INSL6: variants seen among roughly 807,000 people sequenced by gnomAD.
The protein encoded by INSL6 is insulin like 6, also known as insulin-like peptide INSL6.
A neutral mutation model predicts 9.4 loss-of-function variants in INSL6; 16 were observed. The observed-to-expected ratio is 1.70, with a 90% confidence interval of 1.15 to 2.59. The LOEUF (loss-of-function observed/expected upper bound fraction) is 2.59, where lower values mean the gene tolerates loss of function less well. Among genes scored for constraint, INSL6 ranks in the 30% most tolerant of loss-of-function variants. The pLI is 0.00. For missense variants in INSL6, 391 were observed against 257.3 expected (o/e 1.52, Z -3.56); for synonymous variants, 154 against 96.9 (o/e 1.59, Z -3.46).
the INSL6 span, among the ~76,000 whole-genome samples, chr9:5,032,679 G>C: frequency 0.011 from 1,617 of 152,318 alleles, 29 homozygotes; most frequent in African/African-American, 0.038. Context: ...ACCTGCAGCA[G>C]AGGGTCCTGA....
the INSL6 span, among the ~76,000 whole-genome samples, chr9:5,063,280 A>G: frequency 6.6e-6 from 1 of 152,202 alleles, no homozygotes; most frequent in Non-Finnish European, 1.5e-5. Context: ...ATTTTCTACA[A>G]GAACTCTGTA....
the INSL6 span, among the ~76,000 whole-genome samples, chr9:5,032,965 T>A: frequency 7.9e-5 from 12 of 152,116 alleles, no homozygotes; most frequent in Non-Finnish European, 1.6e-4. Flanking sequence ...AGGAGGAAGT[T>A]TGAACTCATG....
chr9:5,085,251 C>T, the INSL6 span: 4 of 677,452 alleles, frequency 5.9e-6, no homozygotes, highest in East Asian at 1.3e-4. Context: ...CAGTGGCTAA[C>T]CTGAGATTCA....
At chr9:5,005,691 G>A in the INSL6 span, among the ~76,000 whole-genome samples, 1 of 152,084 alleles carries the variant, frequency 6.6e-6, no homozygotes, top group Non-Finnish European at 1.5e-5. Flanking sequence ...GTGGGTAAGT[G>A]TTTTTTATTT....
chr9:5,070,192 A>C, the INSL6 span: 2 of 501,050 alleles, frequency 4.0e-6, no homozygotes, highest in Non-Finnish European at 6.6e-6. Flanking sequence ...CTTATGAAAA[A>C]TATGCCAACC....
chr9:4,999,988 T>C, the INSL6 span, among the ~76,000 whole-genome samples: 1 of 152,208 alleles, frequency 6.6e-6, no homozygotes. Context: ...CTAAGGAAGC[T>C]AAGGAAGAAA....
chr9:5,127,908 T>C (rs1057515595), intron 3 of INSL6: 1 of 232,468 alleles, frequency 4.3e-6, no homozygotes, highest in East Asian at 6.0e-5. Context: ...AAAAGTATGC[T>C]TGTTAATTTT....
chr9:5,003,689 T>C, the INSL6 span, among the ~76,000 whole-genome samples: 1 of 152,092 alleles, frequency 6.6e-6, no homozygotes, highest in African/African-American at 2.4e-5. Flanking sequence ...TCATCATAAC[T>C]TTTATTTAGT....
chr9:5,034,659 C>T, the INSL6 span, among the ~76,000 whole-genome samples: 1,863 of 151,618 alleles, frequency 0.012, 22 homozygotes, highest in Non-Finnish European at 0.019. Context: ...AACGAAATGA[C>T]GGCAGAAATA....
At chr9:5,121,245 C>G (rs1313608991), downstream of INSL6, among the ~76,000 whole-genome samples, 2 of 152,122 alleles carry the variant, frequency 1.3e-5, no homozygotes, top group Non-Finnish European at 2.9e-5. Context: ...CACAAGCAGT[C>G]CCCTAAGAGA....
the INSL6 span, among the ~76,000 whole-genome samples, chr9:5,015,384 T>C: frequency 6.6e-6 from 1 of 152,242 alleles, no homozygotes; most frequent in African/African-American, 2.4e-5. Context: ...ATTTTCATAA[T>C]AATGCCAAGA....
At chr9:5,110,794 C>T in the INSL6 span, 89 of 411,028 alleles carry the variant, frequency 2.2e-4, no homozygotes, top group Admixed American at 4.3e-4. Context: ...CCGGGCCACG[C>T]GCGACGCCTG....
At chr9:5,038,218 A>G in the INSL6 span, among the ~76,000 whole-genome samples, 3 of 152,204 alleles carry the variant, frequency 2.0e-5, no homozygotes, top group Non-Finnish European at 4.4e-5. Context: ...AAATTCCTAG[A>G]AAGACACAAG....
the INSL6 span, chr9:5,110,914 A>C: frequency 1.8e-6 from 1 of 559,532 alleles, no homozygotes. Flanking sequence ...CCCCAAGAGA[A>C]TGAACCAGCC....
chr9:5,132,385 T>C (rs1824308406), intron 3 of INSL6, among the ~76,000 whole-genome samples: 1 of 152,180 alleles, frequency 6.6e-6, no homozygotes, highest in Non-Finnish European at 1.5e-5. Context: ...TTAATTTCTC[T>C]TATTTTAAAA....
chr9:5,005,694 T>C, the INSL6 span, among the ~76,000 whole-genome samples: 1 of 152,206 alleles, frequency 6.6e-6, no homozygotes, highest in Non-Finnish European at 1.5e-5. Flanking sequence ...GGTAAGTGTT[T>C]TTTATTTTCT....
the INSL6 span, among the ~76,000 whole-genome samples, chr9:5,091,762 CG>C: frequency 6.6e-6 from 1 of 151,962 alleles, no homozygotes; most frequent in African/African-American, 2.4e-5. Context: ...AGGCTTAAGT[CG>C]GGGGGCTGAA....
At chr9:5,054,707 G>A in the INSL6 span, 5 of 1,613,216 alleles carry the variant, frequency 3.1e-6, no homozygotes, top group African/African-American at 1.3e-5. This position sits in a 1 kb window ranked among gnomAD's most constrained non-coding sequence, Gnocchi z 4.9. Context: ...TGAAACTTAA[G>A]TATCTTATAA....
the INSL6 span, chr9:5,111,087 G>C: frequency 2.4e-6 from 3 of 1,226,130 alleles, no homozygotes; most frequent in African/African-American, 4.5e-5. Context: ...CAGGCTCCTG[G>C]GGCAGCGGCG....
Sources: gnomAD v4.1 joint callset for allele counts (sites outside exome capture counted in the v4.1 genomes callset) on GRCh38, gnomAD v4.1.1 for gene constraint, Gnocchi (gnomAD v3.1) non-coding constraint, MANE v1.5 for transcripts, NCBI Gene and HGNC (gene_info 2026-07-23, HGNC 2026-07-21) for gene names.